The following AGAP1 variants were observed in gnomAD, a reference collection of about 807,000 sequenced individuals.
AGAP1 encodes the protein ArfGAP with GTPase domain, ankyrin repeat and PH domain 1.
In AGAP1, 29 loss-of-function variants were observed where a neutral mutation model predicts 105.3. The observed-to-expected ratio is 0.28, with a 90% confidence interval of 0.21 to 0.38. AGAP1 has a LOEUF of 0.38. Among genes scored for constraint, AGAP1 ranks in the 10% least tolerant of loss-of-function variants. The pLI is 1.00. For missense variants in AGAP1, 998 were observed against 1,165.1 expected (o/e 0.86, Z 2.09); for synonymous variants, 509 against 485.9 (o/e 1.05, Z -0.63).
chr2:235,771,342 A>G (rs1252417691), intron 6 of AGAP1, among the ~76,000 whole-genome samples: 1 of 152,198 alleles, frequency 6.6e-6, no homozygotes, highest in Non-Finnish European at 1.5e-5. Context: ...CAGAAGGTTC[A>G]GGTGCACCTG....
chr2:236,118,834 C>T (rs921789703), intron 16 of AGAP1, among the ~76,000 whole-genome samples: 1 of 152,086 alleles, frequency 6.6e-6, no homozygotes, highest in Non-Finnish European at 1.5e-5. Context: ...CACCACCCTA[C>T]CTTTTTTTTT....
At chr2:235,903,046 C>A (rs995338337) in intron 10 of AGAP1, among the ~76,000 whole-genome samples, 3 of 152,118 alleles carry the variant, frequency 2.0e-5, no homozygotes, top group Non-Finnish European at 4.4e-5. Context: ...CAAATTTCAA[C>A]ACAGCAATAA....
At chr2:235,749,493 C>T (rs1467190659) in intron 5 of AGAP1, among the ~76,000 whole-genome samples, 1 of 152,090 alleles carries the variant, frequency 6.6e-6, no homozygotes, top group Admixed American at 6.5e-5. Context: ...TCCAGGTCAC[C>T]TGTGACCCTG....
Position 235,981,713 on chromosome 2 carries a change from G to A in AGAP1, c.1645+13090G>A, listed in dbSNP as rs985022431. 2.0e-5 allele frequency among the ~76,000 whole-genome samples: 3 copies of A among 152,226 alleles called. No homozygotes were observed. Among genetic ancestry groups the A allele is most frequent in the South Asian group, 2.1e-4 (1 of 4,816 alleles). On this transcript the variant is annotated intron_variant, in intron 13 of 17. Transcript: ENST00000304032. The surrounding 1 kb of genome is among the most constrained non-coding windows in gnomAD (Gnocchi z 5.5). ...CACAAGAACCTGGGAGGTGGGTGCC[G>A]TTATCCGCATTTTTATAACTGAGGA...
rs10178301 is a variant in AGAP1 at position 235,505,039 on chromosome 2, G to T, written c.163+10190G>T. Among the ~76,000 whole-genome samples, 391 of 152,270 alleles carry T rather than the reference G, an allele frequency of 2.6e-3. 1 individual carries two copies. Among genetic ancestry groups the T allele is most frequent in the African/African-American group, 9.0e-3 (373 of 41,548 alleles). On this transcript the variant is annotated intron_variant, in intron 1 of 17. Transcript: ENST00000304032. ...GGCAGAAGTCAGTTGTCAACTGGGG[G>T]ACTCTTTCTGGCTGAGCCCCAAGCA...
rs1016302055 is a variant in AGAP1 at position 235,599,962 on chromosome 2, T to C, written c.163+105113T>C. 6.6e-6 allele frequency among the ~76,000 whole-genome samples: 1 copy of C among 152,230 alleles called. No individual in the cohort carries two copies. Among genetic ancestry groups the C allele is most frequent in the Non-Finnish European group, 1.5e-5 (1 of 68,056 alleles). On this transcript the variant is annotated intron_variant, in intron 1 of 17. Coordinates refer to ENST00000304032, the MANE Select transcript of AGAP1 (RefSeq NM_001037131.3). This position sits in a 1 kb window ranked among gnomAD's most constrained non-coding sequence, Gnocchi z 5.3. The stretch of plus-strand genomic sequence containing the variant: ...GTTCAGGGCGGAGGTTCCACTGTGA[T>C]TTGAAAACAGGCGATTCTTCCAGAC...
intron 2 of AGAP1, among the ~76,000 whole-genome samples, chr2:235,710,371 G>A (rs920655853): frequency 1.3e-5 from 2 of 152,354 alleles, no homozygotes; most frequent in South Asian, 4.1e-4. Flanking sequence ...ACAATGAGTG[G>A]GAGGTGCCCT....
At chr2:235,869,851 AG>A (rs2049352949) in intron 9 of AGAP1, among the ~76,000 whole-genome samples, 2 of 152,226 alleles carry the variant, frequency 1.3e-5, no homozygotes, top group Non-Finnish European at 2.9e-5. Flanking sequence ...AAATAGTCTC[AG>A]GGTGTCTCCT....
chr2:235,816,452 AAAAAAG>A (rs1236165951), intron 9 of AGAP1, among the ~76,000 whole-genome samples: 5 of 151,550 alleles, frequency 3.3e-5, no homozygotes, highest in African/African-American at 1.2e-4. Flanking sequence ...AAAAAAAAAA[AAAAAAG>A]GAAAGAAAGA....
chr2:235,860,286 G>A (rs139895937), intron 9 of AGAP1, among the ~76,000 whole-genome samples: 12 of 152,288 alleles, frequency 7.9e-5, no homozygotes, highest in African/African-American at 2.6e-4. Context: ...GCTGAGCTCT[G>A]CTGGAAGTCA....
chr2:235,781,117 CTAAAG>C (rs1274316655), intron 6 of AGAP1, among the ~76,000 whole-genome samples: 91 of 152,274 alleles, frequency 6.0e-4, no homozygotes, highest in African/African-American at 1.6e-3. Flanking sequence ...CTGGGTATGT[CTAAAG>C]TAATCTTACA....
At chr2:236,063,466 A>G (rs1319936726) in intron 16 of AGAP1, among the ~76,000 whole-genome samples, 1 of 152,222 alleles carries the variant, frequency 6.6e-6, no homozygotes, top group Non-Finnish European at 1.5e-5. Flanking sequence ...TTCTTGGGCC[A>G]TTGGGAGGAT....
Position 235,819,598 on chromosome 2 carries a change from G to A in AGAP1, c.1050+12267G>A, listed in dbSNP as rs901744615. ...TGTGCTCGTGAAAATTTTCCTAGCC[G>A]TGAGGCCCGTGTCAGATGCCTTCTG... On this transcript the variant is annotated intron_variant, in intron 9 of 17. Transcript: ENST00000304032. 8.5e-5 allele frequency among the ~76,000 whole-genome samples: 13 copies of A among 152,200 alleles called. 1 individual carries two copies. The South Asian group carries it at 1.0e-3, about 12-fold the overall frequency.
chr2:235,512,438 A>G (rs1942187920), intron 1 of AGAP1, among the ~76,000 whole-genome samples: 1 of 152,112 alleles, frequency 6.6e-6, no homozygotes, highest in Admixed American at 6.5e-5. Context: ...TCTCTACGAA[A>G]AAACAAAACA....
rs371041783 is a variant in AGAP1 at position 235,689,163 on chromosome 2, T to C, written c.164-20016T>C. Among the ~76,000 whole-genome samples, 10 of 152,358 alleles carry C rather than the reference T, an allele frequency of 6.6e-5. No individual in the cohort carries two copies. In the East Asian group the frequency reaches 1.9e-3, roughly 29 times the overall value. On this transcript the variant is annotated intron_variant, in intron 1 of 17. Transcript: ENST00000304032. This position sits in a 1 kb window ranked among gnomAD's most constrained non-coding sequence, Gnocchi z 4.2. ...GTTAGGGGCTTCAGGGCTTCTGCGCTTTGCTGGCCCTTGTGCTGCCTTCGG... is the reference window on the plus strand; with the variant it reads ...GTTAGGGGCTTCAGGGCTTCTGCGCCTTGCTGGCCCTTGTGCTGCCTTCGG...
chr2:236,118,293 T>A (rs2059818686), intron 16 of AGAP1, among the ~76,000 whole-genome samples: 1 of 152,142 alleles, frequency 6.6e-6, no homozygotes, highest in African/African-American at 2.4e-5. Flanking sequence ...ACCTGAATTT[T>A]GGAGAGGGCG....
At chr2:235,972,012 C>G (rs535740695) in intron 13 of AGAP1, among the ~76,000 whole-genome samples, 71 of 152,140 alleles carry the variant, frequency 4.7e-4, no homozygotes, top group African/African-American at 1.7e-3. Context: ...CTCCTGGGCT[C>G]AAGCAATCCT....
rs114069491 is a variant in AGAP1, at chr2:235,762,298, G to A, written c.673+11810G>A. Reference sequence around the variant, plus strand: ...TGTGAAGTTCTTTAACCTCAGAAAGGGTGGCTTTGTCTCATGGACTTTGAT... The same window carrying A: ...TGTGAAGTTCTTTAACCTCAGAAAGAGTGGCTTTGTCTCATGGACTTTGAT... On this transcript the variant is annotated intron_variant, in intron 6 of 17. Coordinates refer to ENST00000304032, the MANE Select transcript of AGAP1 (RefSeq NM_001037131.3). Among the ~76,000 whole-genome samples the A allele has an allele frequency of 6.0e-3, 916 of 152,182 alleles. 7 individuals carry two copies. Among genetic ancestry groups the A allele is most frequent in the Middle Eastern group, 0.021 (6 of 292 alleles).
rs1458876497 is a variant in AGAP1, at chr2:235,574,059, C to T, written c.163+79210C>T. 6.6e-6 allele frequency among the ~76,000 whole-genome samples: 1 copy of T among 152,218 alleles called. No individual in the cohort carries two copies. The highest frequency in any genetic ancestry group is 1.5e-5 in the Non-Finnish European group (1 of 68,042). ...CTGTTAGCTGGTCAGGGAGGCAGGG[C>T]CTGGGTGCCTTGGGGCCTGTCCTAT... On this transcript the variant is annotated intron_variant, in intron 1 of 17. Coordinates refer to ENST00000304032, the MANE Select transcript of AGAP1 (RefSeq NM_001037131.3). This position sits in a 1 kb window ranked among gnomAD's most constrained non-coding sequence, Gnocchi z 5.0.
Sources: gnomAD v4.1 joint callset for allele counts (sites outside exome capture counted in the v4.1 genomes callset) on GRCh38, gnomAD v4.1.1 for gene constraint, Gnocchi (gnomAD v3.1) non-coding constraint, MANE v1.5 for transcripts, NCBI Gene and HGNC (gene_info 2026-07-23, HGNC 2026-07-21) for gene names.